LRRC8C: variants seen among roughly 807,000 people sequenced by gnomAD.
LRRC8C encodes leucine rich repeat containing 8 VRAC subunit C, also known as volume-regulated anion channel subunit LRRC8C.
A neutral mutation model predicts 55.3 loss-of-function variants in LRRC8C; 20 were observed. That is an observed-to-expected ratio of 0.36 (90% CI 0.25 to 0.53). The LOEUF is 0.53. Ranked by LOEUF, LRRC8C falls within the 20% of genes least tolerant of loss-of-function variation. The pLI, the probability that LRRC8C is intolerant of heterozygous loss-of-function variation, is 0.92. For missense variants in LRRC8C, 659 were observed against 951.4 expected (o/e 0.69, Z 4.04); for synonymous variants, 376 against 360.7 (o/e 1.04, Z -0.48).
At chr1:89,697,061 A>G (rs1658193158) in intron 2 of LRRC8C, among the ~76,000 whole-genome samples, 1 of 152,222 alleles carries the variant, frequency 6.6e-6, no homozygotes, top group South Asian at 2.1e-4. Flanking sequence ...AACAAGTGCC[A>G]TGACTCTTGC....
chr1:89,662,235 G>T (rs1219670333), intron 1 of LRRC8C, among the ~76,000 whole-genome samples: 2 of 152,210 alleles, frequency 1.3e-5, no homozygotes, highest in African/African-American at 2.4e-5. Context: ...AAGCCATCCT[G>T]GGCCACAAGT....
intron 2 of LRRC8C, among the ~76,000 whole-genome samples, chr1:89,693,646 CTTTTTTTTTTTTTT>C (rs35427989): frequency 2.4e-5 from 2 of 82,692 alleles, no homozygotes; most frequent in Non-Finnish European, 4.6e-5. Context: ...TCTTTTCTTC[CTTTTTTTTTTTTTT>C]TTTTTTTTTT....
chr1:89,657,288 T>C (rs1184698659), intron 1 of LRRC8C, among the ~76,000 whole-genome samples: 1 of 152,202 alleles, frequency 6.6e-6, no homozygotes, highest in Non-Finnish European at 1.5e-5. Flanking sequence ...TACAAAACTG[T>C]AATCAGTTCA....
intron 1 of LRRC8C, among the ~76,000 whole-genome samples, chr1:89,642,806 C>T (rs1375212746): frequency 5.9e-5 from 9 of 151,332 alleles, no homozygotes; most frequent in Non-Finnish European, 1.3e-4. Flanking sequence ...GAGATCATGC[C>T]ACTGCACTCC....
At chr1:89,643,267 G>A (rs1656519385) in intron 1 of LRRC8C, among the ~76,000 whole-genome samples, 1 of 152,136 alleles carries the variant, frequency 6.6e-6, no homozygotes, top group African/African-American at 2.4e-5. Context: ...ATTTTTTGTG[G>A]AGACAGGGTT....
chr1:89,690,234 G>A (rs1570727583), intron 2 of LRRC8C, among the ~76,000 whole-genome samples: 1 of 152,172 alleles, frequency 6.6e-6, no homozygotes, highest in Non-Finnish European at 1.5e-5. Context: ...TTGGTAGGGA[G>A]ACAGAAAGAC....
At chr1:89,621,090 G>A in the LRRC8C span, among the ~76,000 whole-genome samples, 2 of 152,104 alleles carry the variant, frequency 1.3e-5, no homozygotes, top group Non-Finnish European at 2.9e-5. Context: ...AGTTTTGAGA[G>A]GCTAGGCAGC....
chr1:89,628,734 T>G (rs1656036541), upstream of LRRC8C, among the ~76,000 whole-genome samples: 1 of 152,232 alleles, frequency 6.6e-6, no homozygotes, highest in Non-Finnish European at 1.5e-5. Context: ...CCCCCTGGAA[T>G]GAGGGTCTTA....
At chr1:89,712,055 GAGA>G (rs1343256719) in intron 2 of LRRC8C, among the ~76,000 whole-genome samples, 1 of 152,208 alleles carries the variant, frequency 6.6e-6, no homozygotes, top group African/African-American at 2.4e-5. Flanking sequence ...GATTGAGTCT[GAGA>G]AGATGATATA....
At chr1:89,685,265 C>T (rs1159713892) in intron 1 of LRRC8C, among the ~76,000 whole-genome samples, 2 of 146,626 alleles carry the variant, frequency 1.4e-5, no homozygotes, top group African/African-American at 2.5e-5. Flanking sequence ...ACTACAGGCG[C>T]CCGCCACCGC....
intron 1 of LRRC8C, among the ~76,000 whole-genome samples, chr1:89,652,699 G>C (rs150909202): frequency 6.6e-6 from 1 of 152,136 alleles, no homozygotes; most frequent in Non-Finnish European, 1.5e-5. Flanking sequence ...CTTTCTAGGG[G>C]ATTAAAAAGA....
At chr1:89,690,757 G>A (rs547366694) in intron 2 of LRRC8C, among the ~76,000 whole-genome samples, 2 of 152,148 alleles carry the variant, frequency 1.3e-5, no homozygotes, top group Non-Finnish European at 2.9e-5. Context: ...CAGCCCCACA[G>A]TGTCTCTCTA....
chr1:89,699,500 A>G (rs887230992), intron 2 of LRRC8C, among the ~76,000 whole-genome samples: 1 of 152,172 alleles, frequency 6.6e-6, no homozygotes, highest in Non-Finnish European at 1.5e-5. Context: ...AAATCTCTGT[A>G]CCTTCCTTTC....
In LRRC8C at chr1:89,714,881, C is replaced by T. The variant is rs753389386; in HGVS notation, c.2311C>T (p.Leu771=). ...GNHFEILPPE[L]GDCRALKRAG... Reference sequence around the variant, plus strand: ...TCACTTTGAAATCCTCCCTCCTGAACTGGGTGACTGTCGGGCTCTGAAGCG... The same window carrying T: ...TCACTTTGAAATCCTCCCTCCTGAATTGGGTGACTGTCGGGCTCTGAAGCG... Residue 771 remains leucine, a synonymous_variant, in exon 3 of 3, where the codon CTG becomes TTG. Transcript: ENST00000370454. This position sits in a 1 kb window ranked among gnomAD's most constrained non-coding sequence, Gnocchi z 4.6. 3.1e-6 allele frequency: 5 copies of T among 1,614,052 alleles called. No homozygotes were observed. In the East Asian group the frequency reaches 8.9e-5, roughly 29 times the overall value.
Position 89,674,741 on chromosome 1 carries a change from AC to A in LRRC8C, c.-4-11727del, listed in dbSNP as rs1411708430. On this transcript the variant is annotated intron_variant, in intron 1 of 2. Coordinates refer to ENST00000370454, the MANE Select transcript of LRRC8C (RefSeq NM_032270.5). ...GAAAAGCTCCAAAGATAATTAGTCA[AC>A]CGTTAGTGTTTTTCTGCAATTATCA... is the stretch of plus-strand genomic sequence containing the variant. Among the ~76,000 whole-genome samples the A allele has an allele frequency of 2.6e-5, 4 of 152,172 alleles. 1 individual carries two copies. Among genetic ancestry groups the A allele is most frequent in the African/African-American group, 9.7e-5 (4 of 41,446 alleles).
the LRRC8C span, among the ~76,000 whole-genome samples, chr1:89,625,515 GA>G: frequency 2.6e-5 from 4 of 152,122 alleles, no homozygotes; most frequent in Non-Finnish European, 5.9e-5. Context: ...ACAAAAATAT[GA>G]GTGGATTCAG....
chr1:89,637,359 C>T (rs1297583182), intron 1 of LRRC8C, among the ~76,000 whole-genome samples: 1 of 151,452 alleles, frequency 6.6e-6, no homozygotes, highest in African/African-American at 2.4e-5. Flanking sequence ...GGATTTCAGA[C>T]TGCTTTCGTT....
chr1:89,676,938 A>G (rs951713074), intron 1 of LRRC8C, among the ~76,000 whole-genome samples: 3 of 152,192 alleles, frequency 2.0e-5, no homozygotes, highest in Admixed American at 1.3e-4. Context: ...ATGAAAGTGA[A>G]TTATGCTTGT....
intron 1 of LRRC8C, among the ~76,000 whole-genome samples, chr1:89,651,316 C>A (rs1656769521): frequency 6.6e-6 from 1 of 152,040 alleles, no homozygotes; most frequent in South Asian, 2.1e-4. Flanking sequence ...CGCCTGTAAT[C>A]CCAACACTTT....
Sources: allele counts gnomAD v4.1 joint callset (sites outside exome capture counted in the v4.1 genomes callset), GRCh38; gene constraint gnomAD v4.1.1; non-coding constraint Gnocchi (gnomAD v3.1); transcripts MANE v1.5; gene names NCBI Gene and HGNC (gene_info 2026-07-23, HGNC 2026-07-21).